SHROOM4: variants seen among roughly 807,000 people sequenced by gnomAD.
The protein encoded by SHROOM4 is shroom family member 4, also known as protein Shroom4.
A neutral mutation model predicts 80.3 loss-of-function variants in SHROOM4; 17 were observed. The observed-to-expected ratio is 0.21, with a 90% CI of 0.14 to 0.32. SHROOM4 has a LOEUF of 0.32. Ranked by LOEUF, SHROOM4 falls within the 10% of genes least tolerant of loss-of-function variation. The probability of loss-of-function intolerance (pLI) is 1.00; values close to 1 mark genes in which losing one functional copy is unlikely to be tolerated. For missense variants in SHROOM4, 993 were observed against 1,140.3 expected (o/e 0.87, Z 1.86); for synonymous variants, 400 against 437.5 (o/e 0.91, Z 1.07).
chrX:50,634,693 T>C lies in SHROOM4; in HGVS notation c.1380A>G (p.Pro460=). Residue 460 remains proline (P), a synonymous_variant, in exon 4 of 9, where the codon CCA becomes CCG. Transcript: ENST00000376020. ...LHSSHKGKKS[P]CPPTGGTHDQ... is the part of the protein sequence containing the mutation. ...CATGGGTTCCTCCTGTAGGGGGGCA[T>C]GGACTTTTCTTCCCTTTGTGGCTGC... 8.3e-7 allele frequency: 1 copy of C among 1,211,819 alleles called. No homozygotes were observed. The highest frequency in any genetic ancestry group is 1.1e-6 in the Non-Finnish European group (1 of 895,562).
intron 1 of SHROOM4, among the ~76,000 whole-genome samples, chrX:50,750,321 G>A (rs1356495100): frequency 3.6e-5 from 4 of 111,797 alleles, no homozygotes; most frequent in African/African-American, 9.8e-5. Context: ...GTGCTGTGGC[G>A]CAATCTCAGC....
At position 50,588,178 on chromosome X, in the gene SHROOM4, CT is replaced by C. The variant is rs1569546168; in HGVS notation, c.*8516del. On this transcript the variant is annotated 3_prime_UTR_variant, in exon 9 of 9. Transcript: ENST00000376020. ...GTTCTCATCAGATGGTAGTATTGAG[CT>C]TGCCAGAAAATTTTACTTACAGTGG... 9.0e-6 allele frequency among the ~76,000 whole-genome samples: 1 copy of C among 111,116 alleles called. No homozygotes were observed. Among genetic ancestry groups the C allele is most frequent in the Non-Finnish European group, 1.9e-5 (1 of 53,038 alleles).
At chrX:50,705,353 A>G (rs1933639623) in intron 1 of SHROOM4, among the ~76,000 whole-genome samples, 1 of 111,789 alleles carries the variant, frequency 8.9e-6, no homozygotes, top group African/African-American at 3.2e-5. Context: ...TTGCAATGAC[A>G]GGATTAAGTT....
chrX:50,710,500 C>T (rs1302871376), intron 1 of SHROOM4, among the ~76,000 whole-genome samples: 4 of 110,492 alleles, frequency 3.6e-5, no homozygotes, highest in African/African-American at 9.9e-5. Context: ...GTAATAAACA[C>T]TGGGGACTAC....
chrX:50,668,519 T>G (rs1362577527), intron 2 of SHROOM4, among the ~76,000 whole-genome samples: 5 of 111,875 alleles, frequency 4.5e-5, no homozygotes, highest in Non-Finnish European at 7.5e-5. Flanking sequence ...AGCTTAAATA[T>G]GATTCAGAGT....
chrX:50,715,950 A>G (rs1250045978), intron 1 of SHROOM4, among the ~76,000 whole-genome samples: 1 of 110,925 alleles, frequency 9.0e-6, no homozygotes, highest in Non-Finnish European at 1.9e-5. Context: ...TAGCCAAGAT[A>G]CTAAATGTCC....
At chrX:50,667,991 G>A (rs1405466941) in intron 2 of SHROOM4, among the ~76,000 whole-genome samples, 2 of 111,724 alleles carry the variant, frequency 1.8e-5, no homozygotes, top group Non-Finnish European at 3.8e-5. Flanking sequence ...CAGGAAAACT[G>A]TGGCCCCAGC....
chrX:50,785,937 T>C (rs1935730326), intron 1 of SHROOM4, among the ~76,000 whole-genome samples: 1 of 111,513 alleles, frequency 9.0e-6, no homozygotes, highest in Admixed American at 9.5e-5. Flanking sequence ...CTGAGTGACA[T>C]CAGCAAGATG....
At chrX:50,679,072 T>C (rs782809743) in intron 2 of SHROOM4, among the ~76,000 whole-genome samples, 1 of 111,586 alleles carries the variant, frequency 9.0e-6, no homozygotes, top group South Asian at 3.8e-4. Context: ...ATTGTTGGAC[T>C]GCTTTTTCTT....
chrX:50,603,222 G>A (rs1194924936), intron 6 of SHROOM4, among the ~76,000 whole-genome samples: 3 of 111,293 alleles, frequency 2.7e-5, no homozygotes, highest in Non-Finnish European at 5.7e-5. Context: ...CTCCAAGCCT[G>A]TTGGCCTCCC....
rs782671492 is a variant in SHROOM4 at position 50,598,247 on chromosome X, C to T, written c.4212+19G>A. 4.1e-6 allele frequency: 5 copies of T among 1,211,138 alleles called. No individual in the cohort carries two copies. Among genetic ancestry groups the T allele is most frequent in the Non-Finnish European group, 5.6e-6 (5 of 895,239 alleles). On this transcript the variant is annotated intron_variant, in intron 8 of 8. Transcript: ENST00000376020. ...AATGGTATTTCCCTCTACCCACACC[C>T]CACAGACCCCAACTCTACCTTCTCC...
intron 2 of SHROOM4, among the ~76,000 whole-genome samples, chrX:50,639,047 G>C (rs1240453679): frequency 1.8e-5 from 2 of 112,825 alleles, no homozygotes; most frequent in African/African-American, 3.2e-5. Flanking sequence ...TGACAGAGGA[G>C]ATTGGCTGCT....
At chrX:50,614,131 G>A (rs1930120966) in intron 5 of SHROOM4, among the ~76,000 whole-genome samples, 3 of 112,006 alleles carry the variant, frequency 2.7e-5, no homozygotes, top group South Asian at 3.7e-4. Context: ...TTTTTACAAC[G>A]AAATAAAGTT....
intron 2 of SHROOM4, among the ~76,000 whole-genome samples, chrX:50,695,019 A>G (rs1340665625): frequency 9.0e-6 from 1 of 111,409 alleles, no homozygotes; most frequent in East Asian, 2.8e-4. Context: ...AAGAAAAGCC[A>G]TGTGGAAAGT....
intron 5 of SHROOM4, among the ~76,000 whole-genome samples, chrX:50,618,417 T>C (rs904003483): frequency 2.2e-5 from 2 of 91,812 alleles, no homozygotes; most frequent in Non-Finnish European, 4.3e-5. Flanking sequence ...CCTTCCTTCC[T>C]TCCTTTCTTA....
chrX:50,797,342 G>T (rs928106128), intron 1 of SHROOM4, among the ~76,000 whole-genome samples: 6 of 112,131 alleles, frequency 5.4e-5, no homozygotes, highest in Non-Finnish European at 1.1e-4. Flanking sequence ...TTAAAAAATA[G>T]AGATAACCTT....
intron 1 of SHROOM4, among the ~76,000 whole-genome samples, chrX:50,751,933 T>C (rs1291425619): frequency 8.9e-6 from 1 of 112,039 alleles, no homozygotes; most frequent in African/African-American, 3.2e-5. Flanking sequence ...AGATGCTATC[T>C]TGACCTACAG....
Position 50,783,615 on chromosome X carries a change from A to T in SHROOM4, c.117+30287T>A, listed in dbSNP as rs782450135. 3.4e-3 allele frequency among the ~76,000 whole-genome samples: 376 copies of T among 109,248 alleles called. 1 individual carries two copies. The highest frequency in any genetic ancestry group is 0.012 in the African/African-American group (345 of 29,888). 94.9% of individuals were successfully genotyped at this position (109,248 alleles called of 115,157 possible). Reference sequence around the variant, plus strand: ...TTTTAAGACAGAGTCTTGCTCTGTCACCCAGCCTGGAGTGCAGTGGCGTGA... The same window carrying T: ...TTTTAAGACAGAGTCTTGCTCTGTCTCCCAGCCTGGAGTGCAGTGGCGTGA... On this transcript the variant is annotated intron_variant, in intron 1 of 8. Transcript: ENST00000376020.
chrX:50,713,740 T>C (rs1478683282), intron 1 of SHROOM4, among the ~76,000 whole-genome samples: 1 of 112,341 alleles, frequency 8.9e-6, no homozygotes, highest in Non-Finnish European at 1.9e-5. Flanking sequence ...ATGAAAAGAT[T>C]GCTTTATTTT....
Sources: gnomAD v4.1 joint callset for allele counts (sites outside exome capture counted in the v4.1 genomes callset) on GRCh38, gnomAD v4.1.1 for gene constraint, MANE v1.5 for transcripts, NCBI Gene and HGNC (gene_info 2026-07-23, HGNC 2026-07-21) for gene names.